JPH2: variants seen among roughly 807,000 people sequenced by gnomAD.
JPH2 encodes junctophilin-2.
JPH2 carries 38 observed loss-of-function variants against 55.9 expected under a neutral mutation model. That is an observed-to-expected ratio of 0.68 (90% confidence interval 0.52 to 0.89). The LOEUF (loss-of-function observed/expected upper bound fraction) is 0.89, where lower values mean the gene tolerates loss of function less well. Ranked by LOEUF, JPH2 falls within the 40% of genes least tolerant of loss-of-function variation. JPH2 has a pLI of 0.00. For synonymous variants in JPH2, 480 were observed against 472.4 expected, an observed-to-expected ratio of 1.02 and a Z score of -0.21; for missense variants, 964 against 1,037.6, an observed-to-expected ratio of 0.93 and a Z score of 0.97.
rs181114863 is a variant in JPH2, at chr20:44,134,552, A to T, written c.1170-15929T>A. Among the ~76,000 whole-genome samples, 10 of 8,340 alleles carry T rather than the reference A, an allele frequency of 1.2e-3. 2 individuals are homozygous for T. Among genetic ancestry groups the T allele is most frequent in the Non-Finnish European group, 1.5e-3 (8 of 5,366 alleles). 5.5% of individuals were successfully genotyped at this position (8,340 alleles called of 152,430 possible). On this transcript the variant is annotated intron_variant, in intron 2 of 5. Coordinates refer to ENST00000372980, the MANE Select transcript of JPH2 (RefSeq NM_020433.5). The stretch of plus-strand genomic sequence containing the variant: ...TATATATAAATAAATATATATTTAT[A>T]ATATATATAAATAAATATATATTTA...
Position 44,159,492 on chromosome 20 carries a change from C to T in JPH2, c.1169+126G>A. 1.0e-6 allele frequency: 1 copy of T among 982,538 alleles called. No individual in the cohort carries two copies. Among genetic ancestry groups the T allele is most frequent in the Non-Finnish European group, 1.5e-6 (1 of 657,754 alleles). The allele number at this position is 982,538 out of a possible 1,614,324, so 60.9% of individuals were successfully genotyped here. A position where few individuals can be genotyped will look rare whatever the true frequency, so the allele number is the denominator to read the frequency against. ...AGCTCCCGAAGAGCCTCCAATTAAC[C>T]CCTGAAGGTGATGGGGGTAAAAGAA... On this transcript the variant is annotated intron_variant, in intron 2 of 5. Transcript: ENST00000372980. This position sits in a 1 kb window ranked among gnomAD's most constrained non-coding sequence, Gnocchi z 5.7.
chr20:44,134,849 TATAAATATATA>T (rs2072393391), intron 2 of JPH2, among the ~76,000 whole-genome samples: 1 of 87,224 alleles, frequency 1.1e-5, no homozygotes, highest in East Asian at 3.2e-4. Context: ...ATATGTTTAT[TATAAATATATA>T]TATAAATATA....
intron 2 of JPH2, among the ~76,000 whole-genome samples, chr20:44,125,459 G>A (rs533192026): frequency 3.3e-5 from 5 of 152,320 alleles, no homozygotes; most frequent in Non-Finnish European, 5.9e-5. Context: ...CTGGAGGCAC[G>A]TTCTCAAGGT....
chr20:44,142,220 G>A (rs892400539), intron 2 of JPH2, among the ~76,000 whole-genome samples: 3 of 152,176 alleles, frequency 2.0e-5, no homozygotes, highest in Admixed American at 6.5e-5. Flanking sequence ...AACTTTCAGG[G>A]ATGAGGAAAA....
intron 2 of JPH2, among the ~76,000 whole-genome samples, chr20:44,124,941 C>G (rs2072265199): frequency 6.6e-6 from 1 of 152,006 alleles, no homozygotes; most frequent in South Asian, 2.1e-4. Context: ...AACCCTGTCT[C>G]TACCAAAAAA....
chr20:44,145,066 C>A (rs2072484039), intron 2 of JPH2, among the ~76,000 whole-genome samples: 1 of 152,192 alleles, frequency 6.6e-6, no homozygotes, highest in African/African-American at 2.4e-5. Flanking sequence ...GGCCCTGACC[C>A]TGGCCTGAAC....
intron 1 of JPH2, chr20:44,178,062 C>A (rs2145895959): frequency 1.3e-6 from 1 of 780,828 alleles, no homozygotes; most frequent in Non-Finnish European, 2.4e-6. Context: ...GGGATTTGAA[C>A]CCAGATCTGC....
intron 2 of JPH2, among the ~76,000 whole-genome samples, chr20:44,124,849 T>C (rs906954867): frequency 2.0e-5 from 3 of 151,226 alleles, no homozygotes; most frequent in Non-Finnish European, 4.4e-5. Flanking sequence ...GGCTCACGCA[T>C]GTAATCCCAG....
chr20:44,163,088 A>G (rs2072627546), intron 1 of JPH2, among the ~76,000 whole-genome samples: 1 of 151,898 alleles, frequency 6.6e-6, no homozygotes, highest in South Asian at 2.1e-4. Flanking sequence ...TGACTTATTT[A>G]TTACATTAAT....
In JPH2 at chr20:44,115,587, C is replaced by T. The variant is rs377718586; in HGVS notation, c.2010+78G>A. 1.1e-5 allele frequency: 18 copies of T among 1,594,738 alleles called. No homozygotes were observed. In the African/African-American group the frequency reaches 2.4e-4, roughly 21 times the overall value. On this transcript the variant is annotated intron_variant, in intron 4 of 5. Transcript: ENST00000372980. ...TCGCACCCCAGCAACCCCCAAATCC[C>T]CTGCCCCTGAATCCTCCCTCAAGCC...
rs2072135645 is a variant in JPH2 at position 44,110,656 on chromosome 20, C to A, written c.*2862G>T. Among the ~76,000 whole-genome samples the A allele has an allele frequency of 6.6e-6, 1 of 152,150 alleles. No homozygotes were observed. Among genetic ancestry groups the A allele is most frequent in the African/African-American group, 2.4e-5 (1 of 41,424 alleles). ...ATGTTGGCCAGGCTGGTCTCAAACT[C>A]CTGACCTCAAGTGATCCACCTGCCT... On this transcript the variant is annotated 3_prime_UTR_variant, in exon 6 of 6. Transcript: ENST00000372980.
chr20:44,126,239 G>T (rs994581911), intron 2 of JPH2, among the ~76,000 whole-genome samples: 6 of 150,836 alleles, frequency 4.0e-5, no homozygotes, highest in African/African-American at 1.5e-4. Context: ...TTTTGAAGGG[G>T]ACTGAAACAG....
intron 2 of JPH2, among the ~76,000 whole-genome samples, chr20:44,138,548 A>T (rs1447431955): frequency 6.6e-6 from 1 of 151,326 alleles, no homozygotes; most frequent in African/African-American, 2.4e-5. Flanking sequence ...CACCCAGCTA[A>T]TTTTTTTATT....
At position 44,106,977 on chromosome 20, in the gene JPH2, T is replaced by G. The variant is rs1010614689; in HGVS notation, c.*6541A>C. On this transcript the variant is annotated 3_prime_UTR_variant, in exon 6 of 6. Transcript: ENST00000372980. ...TCCTTGCTCTGGAGCTCCCACTGGG[T>G]TGGACTTTGTCAGGCCTGCATCAAG... Among the ~76,000 whole-genome samples the G allele has an allele frequency of 6.6e-6, 1 of 152,128 alleles. No homozygotes were observed. The highest frequency in any genetic ancestry group is 2.4e-5 in the African/African-American group (1 of 41,422).
At position 44,115,836 on chromosome 20, in the gene JPH2, C is replaced by T. The variant is rs2072185303; in HGVS notation, c.1839G>A (p.Glu613=). The T allele has an allele frequency of 1.3e-6, 2 of 1,596,862 alleles. No homozygotes were observed. The highest frequency in any genetic ancestry group is 2.2e-5 in the South Asian group (2 of 90,712). The change falls in exon 4 of 6, where the codon GAG becomes GAA. Residue 613 remains glutamate (E), a synonymous_variant. Transcript: ENST00000372980. ...PLQAPTLRGP[E]PARETPAKLE... ...GCTTGGCGGGGGTCTCGCGTGCAGGCTCGGGGCCTCGGAGCGTGGGGGCCT... is the reference window on the plus strand; with the variant it reads ...GCTTGGCGGGGGTCTCGCGTGCAGGTTCGGGGCCTCGGAGCGTGGGGGCCT...
chr20:44,147,370 G>A (rs2072500468), intron 2 of JPH2, among the ~76,000 whole-genome samples: 1 of 152,178 alleles, frequency 6.6e-6, no homozygotes, highest in Non-Finnish European at 1.5e-5. Flanking sequence ...AAGAGATCTG[G>A]TTCAATGAAT....
chr20:44,138,669 C>T (rs554979491), intron 2 of JPH2, among the ~76,000 whole-genome samples: 3 of 152,318 alleles, frequency 2.0e-5, no homozygotes, highest in South Asian at 4.1e-4. Flanking sequence ...CAGGCATGAG[C>T]CACTGCACCT....
chr20:44,149,538 T>G (rs2072516454), intron 2 of JPH2, among the ~76,000 whole-genome samples: 1 of 152,200 alleles, frequency 6.6e-6, no homozygotes, highest in Admixed American at 6.5e-5. Flanking sequence ...GTGACAGGTG[T>G]GCTAGGCCTC....
At chr20:44,166,187 G>T (rs1010376732) in intron 1 of JPH2, among the ~76,000 whole-genome samples, 4 of 152,272 alleles carry the variant, frequency 2.6e-5, no homozygotes, top group Non-Finnish European at 4.4e-5. Context: ...CAGCTCTGTG[G>T]AAATGACAGC....
Sources: allele counts gnomAD v4.1 joint callset (sites outside exome capture counted in the v4.1 genomes callset), GRCh38; gene constraint gnomAD v4.1.1; non-coding constraint Gnocchi (gnomAD v3.1); transcripts MANE v1.5; gene names NCBI Gene and HGNC (gene_info 2026-07-23, HGNC 2026-07-21).